The following PLD3 variants were observed in gnomAD, a reference collection of about 807,000 sequenced individuals.
PLD3 encodes 5'-3' exonuclease PLD3.
Under a neutral mutation model 58.4 loss-of-function variants are expected in PLD3, and 31 were observed. The ratio of observed to expected loss-of-function variants is 0.53; its 90% confidence interval spans 0.40 to 0.72. The LOEUF (loss-of-function observed/expected upper bound fraction) is 0.72, where lower values mean the gene tolerates loss of function less well. Ranked by LOEUF, PLD3 falls within the 30% of genes least tolerant of loss-of-function variation. The pLI, the probability that PLD3 is intolerant of heterozygous loss-of-function variation, is 0.00. For synonymous variants in PLD3, 264 were observed against 273.4 expected, an observed-to-expected ratio of 0.97 and a Z score of 0.34; for missense variants, 595 against 659.8, an observed-to-expected ratio of 0.90 and a Z score of 1.08.
intron 1 of PLD3, chr19:40,356,208 G>A (rs982364122): frequency 7.2e-5 from 11 of 152,386 alleles, no homozygotes. Context: ...AATATGGCTG[G>A]GGTGGGAAGA....
rs140993999 is a variant in PLD3, at chr19:40,368,066, C to T, written c.429+187C>T. ...CTCTCTGGACTGGGGGCGTTTGTCACGGTCATCTGTAGGCCTCTGAATGTC... is the reference window on the plus strand; with the variant it reads ...CTCTCTGGACTGGGGGCGTTTGTCATGGTCATCTGTAGGCCTCTGAATGTC... On this transcript the variant is annotated intron_variant, in intron 6 of 12. Coordinates refer to ENST00000409735, the MANE Select transcript of PLD3 (RefSeq NM_012268.4). 1.1e-3 allele frequency among the ~76,000 whole-genome samples: 173 copies of T among 152,242 alleles called. 1 individual carries two copies. The highest frequency in any genetic ancestry group is 3.9e-3 in the African/African-American group (161 of 41,540).
intron 1 of PLD3, among the ~76,000 whole-genome samples, chr19:40,355,612 CTTTT>C (rs60422933): frequency 1.1e-4 from 9 of 81,100 alleles, no homozygotes; most frequent in Admixed American, 3.4e-4. Context: ...GTGCCGGCTC[CTTTT>C]TTTTTTTTTT....
At chr19:40,377,109 TC>T (rs2079230837) in intron 11 of PLD3, among the ~76,000 whole-genome samples, 1 of 40,000 alleles carries the variant, frequency 2.5e-5, no homozygotes, top group Admixed American at 3.7e-4. Context: ...GGCAGAAGGG[TC>T]GGGGCCGGGT....
chr19:40,369,133 A>G (rs1317596349), intron 6 of PLD3, among the ~76,000 whole-genome samples: 1 of 151,922 alleles, frequency 6.6e-6, no homozygotes, highest in African/African-American at 2.4e-5. Flanking sequence ...TCTAAAAAAA[A>G]ATTTTTTTAT....
rs183725030 is a variant in PLD3, at chr19:40,348,720, G to C, written c.-327G>C. The C allele has an allele frequency of 1.1e-5, 6 of 553,950 alleles. No homozygotes were observed. In the East Asian group the frequency reaches 2.2e-4, roughly 20 times the overall value. The allele number at this position is 553,950 out of a possible 1,614,324, so 34.3% of individuals were successfully genotyped here. The stretch of plus-strand genomic sequence containing the variant: ...GGGCCGTCAGGCGGGGATACAGCCT[G>C]GAAGGTGCGTGTGGGGCTGGGTCTC... On this transcript the variant is annotated 5_prime_UTR_variant, in exon 1 of 13. Transcript: ENST00000409735.
rs781742146 is a variant in PLD3, at chr19:40,378,147, G to A, written c.1447G>A (p.Val483Met). 19 of 1,611,904 alleles carry A rather than the reference G, an allele frequency of 1.2e-5. No individual in the cohort carries two copies. The highest frequency in any genetic ancestry group is 4.0e-5 in the African/African-American group (3 of 75,016). The change falls in exon 13 of 13, where the codon GTG becomes ATG. Residue 483 changes from valine to methionine, a missense_variant. Physicochemically the swap from Val to Met is conservative, Grantham distance 21 (BLOSUM62 1). Coordinates refer to ENST00000409735, the MANE Select transcript of PLD3 (RefSeq NM_012268.4). ...SHDLDTSADSVGNACRLL is the reference protein window; with the variant it reads ...SHDLDTSADSMGNACRLL Reference sequence around the variant, plus strand: ...TGACCTTGACACCTCAGCTGACAGCGTGGGCAACGCCTGCCGCCTGCTCTG... The same window carrying A: ...TGACCTTGACACCTCAGCTGACAGCATGGGCAACGCCTGCCGCCTGCTCTG...
intron 1 of PLD3, among the ~76,000 whole-genome samples, chr19:40,354,924 G>A (rs145894344): frequency 2.6e-3 from 394 of 151,642 alleles, no homozygotes; most frequent in African/African-American, 9.3e-3. Context: ...TGCAACCTCC[G>A]CCTCCCAGGT....
intron 1 of PLD3, among the ~76,000 whole-genome samples, chr19:40,363,329 G>A (rs1239564667): frequency 6.8e-6 from 1 of 147,326 alleles, no homozygotes; most frequent in South Asian, 2.1e-4. Flanking sequence ...GTGGTCAACC[G>A]CCTCTAAGAC....
intron 1 of PLD3, among the ~76,000 whole-genome samples, chr19:40,355,447 G>A (rs1378419292): frequency 6.6e-6 from 1 of 151,426 alleles, no homozygotes; most frequent in East Asian, 1.9e-4. Context: ...CAAGTAGCTG[G>A]GACTACAGGC....
intron 1 of PLD3, among the ~76,000 whole-genome samples, chr19:40,360,931 G>A (rs558380249): frequency 1.7e-4 from 26 of 152,238 alleles, no homozygotes; most frequent in African/African-American, 6.0e-4. Context: ...CGTAAGTTCC[G>A]GGGATTATGC....
intron 5 of PLD3, 110 bp downstream of exon 5, chr19:40,367,025 TGAGGAGGTTGCAG>T: frequency 7.7e-7 from 1 of 1,295,256 alleles, no homozygotes; most frequent in South Asian, 1.5e-5. Context: ...TTGCGACAAG[TGAGGAGGTTGCAG>T]GCTCCCAAGT....
chr19:40,369,262 G>A (rs1282573595), intron 6 of PLD3, among the ~76,000 whole-genome samples: 1 of 152,052 alleles, frequency 6.6e-6, no homozygotes, highest in Non-Finnish European at 1.5e-5. Context: ...ATGTGGTGGT[G>A]CACTCCTGAG....
intron 1 of PLD3, among the ~76,000 whole-genome samples, chr19:40,364,607 T>C (rs7254808): frequency 0.96 from 145,880 of 151,864 alleles, 70,090 homozygotes; most frequent in Middle Eastern, 0.98. Context: ...CTGGCTAACA[T>C]GGTGAAACCC....
At chr19:40,362,247 A>C (rs924245380) in intron 1 of PLD3, among the ~76,000 whole-genome samples, 2 of 152,212 alleles carry the variant, frequency 1.3e-5, no homozygotes, top group Non-Finnish European at 2.9e-5. Context: ...ACGAACAGCA[A>C]ATGCTATTGT....
chr19:40,365,671 T>C (rs139538310), intron 1 of PLD3, 47 bp from the exon 2 acceptor site: 1 of 152,404 alleles, frequency 6.6e-6, no homozygotes, highest in East Asian at 1.9e-4. Context: ...GGGTGGAATG[T>C]AGCAAAGCCC....
intron 1 of PLD3, among the ~76,000 whole-genome samples, chr19:40,361,597 A>C (rs1600283643): frequency 6.7e-6 from 1 of 149,642 alleles, no homozygotes; most frequent in African/African-American, 2.5e-5. Flanking sequence ...TGGCATCCTC[A>C]CTCTTCTCCA....
At chr19:40,351,915 C>A (rs1381537909) in intron 1 of PLD3, among the ~76,000 whole-genome samples, 1 of 152,166 alleles carries the variant, frequency 6.6e-6, no homozygotes, top group Non-Finnish European at 1.5e-5. Context: ...GAAAGAGAGC[C>A]AGAATCTTCT....
chr19:40,351,529 C>T (rs185343188), intron 1 of PLD3, among the ~76,000 whole-genome samples: 252 of 152,006 alleles, frequency 1.7e-3, no homozygotes, highest in African/African-American at 5.8e-3. Flanking sequence ...TGGGCGACAG[C>T]GAGATTCTGT....
intron 6 of PLD3, among the ~76,000 whole-genome samples, chr19:40,368,889 C>T (rs2078995126): frequency 1.3e-5 from 2 of 152,016 alleles, no homozygotes; most frequent in South Asian, 4.1e-4. Context: ...CATGCCACTA[C>T]ACTCCAGCCC....
Sources: gnomAD v4.1 joint callset for allele counts (sites outside exome capture counted in the v4.1 genomes callset) on GRCh38, gnomAD v4.1.1 for gene constraint, MANE v1.5 for transcripts, NCBI Gene and HGNC (gene_info 2026-07-23, HGNC 2026-07-21) for gene names.